Variants in PIP5K1C observed in about 807,000 individuals in gnomAD.
The protein encoded by PIP5K1C is phosphatidylinositol-4-phosphate 5-kinase type 1 gamma, also known as phosphatidylinositol 4-phosphate 5-kinase type-1 gamma.
PIP5K1C carries 45 observed loss-of-function variants against 80.1 expected under a neutral mutation model. That is an observed-to-expected ratio of 0.56 (90% CI 0.44 to 0.72). The LOEUF (loss-of-function observed/expected upper bound fraction) is 0.72. Among genes scored for constraint, PIP5K1C ranks in the 30% least tolerant of loss-of-function variants. The pLI is 0.00. For synonymous variants in PIP5K1C, 498 were observed against 420.1 expected (o/e 1.19, Z -2.27); for missense variants, 753 against 954.6 (o/e 0.79, Z 2.78).
chr19:3,634,191 C>T (rs1333094214), intron 16 of PIP5K1C, among the ~76,000 whole-genome samples: 2 of 152,094 alleles, frequency 1.3e-5, no homozygotes, highest in Non-Finnish European at 2.9e-5. Context: ...GACAGCTCTT[C>T]CCAGCTGTGC....
intron 1 of PIP5K1C, among the ~76,000 whole-genome samples, chr19:3,678,440 A>G: frequency 1.0e-5 from 1 of 97,898 alleles, no homozygotes; most frequent in Non-Finnish European, 2.1e-5. Flanking sequence ...TGGAGGATGG[A>G]GAGATGGAGG....
intron 1 of PIP5K1C, among the ~76,000 whole-genome samples, chr19:3,683,723 C>T (rs961898413): frequency 5.9e-5 from 9 of 152,100 alleles, no homozygotes; most frequent in African/African-American, 9.7e-5. Context: ...AGGAGCCAGG[C>T]GGGGGAAGGG....
chr19:3,641,730 C>T lies in PIP5K1C; in HGVS notation c.1762G>A (p.Val588Met). ...CCTGCGTCCTCCTCTTTGGGGACCA[C>T]AATCTCCACGCTGCACGCAGGCTCC... Reference protein sequence around the residue: ...QVEPACSVEIVVPKEEDAGVE... With the variant: ...QVEPACSVEIMVPKEEDAGVE... The change falls in exon 15 of 18, where the codon GTG becomes ATG. Residue 588 changes from valine (V) to methionine (M), a missense_variant. Physicochemically the swap from Val to Met is conservative, Grantham distance 21. Coordinates refer to ENST00000335312, the MANE Select transcript of PIP5K1C (RefSeq NM_012398.3). 6.2e-7 allele frequency: 1 copy of T among 1,610,086 alleles called. No individual in the cohort carries two copies. The highest frequency in any genetic ancestry group is 2.2e-5 in the East Asian group (1 of 44,870).
rs905830973 is a variant in PIP5K1C, at chr19:3,692,256, G to C, written c.94+8041C>G. ...CCTGCCAACAGCACAATGGAACAGAGACACCGTCCACTGAGCACAGCCACC... is the reference window on the plus strand; with the variant it reads ...CCTGCCAACAGCACAATGGAACAGACACACCGTCCACTGAGCACAGCCACC... On this transcript the variant is annotated intron_variant, in intron 1 of 17. Transcript: ENST00000335312. The surrounding 1 kb of genome is among the most constrained non-coding windows in gnomAD (Gnocchi z 5.2). Among the ~76,000 whole-genome samples, 6 of 152,172 alleles carry C rather than the reference G, an allele frequency of 3.9e-5. No individual in the cohort carries two copies. Among genetic ancestry groups the C allele is most frequent in the African/African-American group, 1.4e-4 (6 of 41,430 alleles).
chr19:3,689,847 C>CA (rs2035888803), intron 1 of PIP5K1C, among the ~76,000 whole-genome samples: 1 of 152,094 alleles, frequency 6.6e-6, no homozygotes, highest in South Asian at 2.1e-4. Flanking sequence ...ACACTCCCCC[C>CA]CCACACACAG....
Position 3,692,569 on chromosome 19 carries a change from T to C in PIP5K1C, c.94+7728A>G, listed in dbSNP as rs1348971527. ...TCCATCCCAGATGGCGCACTGCTCA[T>C]GGTCCCCACCTGGCCCAGCCCCAGC... On this transcript the variant is annotated intron_variant, in intron 1 of 17. Coordinates refer to ENST00000335312, the MANE Select transcript of PIP5K1C (RefSeq NM_012398.3). This position sits in a 1 kb window ranked among gnomAD's most constrained non-coding sequence, Gnocchi z 5.2. Among the ~76,000 whole-genome samples, 2 of 152,230 alleles carry C rather than the reference T, an allele frequency of 1.3e-5. No homozygotes were observed. Among genetic ancestry groups the C allele is most frequent in the Non-Finnish European group, 1.5e-5 (1 of 67,984 alleles).
intron 1 of PIP5K1C, among the ~76,000 whole-genome samples, chr19:3,672,876 C>T (rs1441622012): frequency 6.6e-6 from 1 of 151,626 alleles, no homozygotes; most frequent in Admixed American, 6.6e-5. Flanking sequence ...GAGGAGAAAG[C>T]CCCAGCCCTG....
intron 11 of PIP5K1C, among the ~76,000 whole-genome samples, chr19:3,644,601 C>T (rs545804150): frequency 1.7e-4 from 26 of 152,334 alleles, no homozygotes; most frequent in Admixed American, 5.2e-4. Context: ...CCAGCCCGGG[C>T]AGGGCCCCCA....
intron 16 of PIP5K1C, among the ~76,000 whole-genome samples, chr19:3,633,973 T>C (rs2033567690): frequency 6.6e-6 from 1 of 152,136 alleles, no homozygotes; most frequent in Non-Finnish European, 1.5e-5. Context: ...GTGCCGGACC[T>C]ACTTCCCAAC....
At position 3,645,977 on chromosome 19, in the gene PIP5K1C, A is replaced by G. The variant is rs1488297846; in HGVS notation, c.1342T>C (p.Ser448Pro). Residue 448 changes from serine to proline, a missense_variant, in exon 11 of 18, where the codon TCC (serine) becomes CCC (proline). By Grantham distance (74) the Ser-to-Pro change is moderately conservative. Transcript: ENST00000335312. Reference protein sequence around the residue: ...FMSNTVFRKNSSLKSSPSKKG... With the variant: ...FMSNTVFRKNPSLKSSPSKKG... Reference sequence around the variant, plus strand: ...TTGCGGGGCTCAGGTGGCTTACAGGAGTTCTTCCGAAAGACCGTGTTGCTC... The same window carrying G: ...TTGCGGGGCTCAGGTGGCTTACAGGGGTTCTTCCGAAAGACCGTGTTGCTC... 6.2e-7 allele frequency: 1 copy of G among 1,612,380 alleles called. No individual in the cohort carries two copies. Among genetic ancestry groups the G allele is most frequent in the Non-Finnish European group, 8.5e-7 (1 of 1,179,182 alleles).
chr19:3,656,659 G>A lies in PIP5K1C; in HGVS notation c.469-102C>T, dbSNP rs1050299990. 6.1e-6 allele frequency: 8 copies of A among 1,306,504 alleles called. No homozygotes were observed. The African/African-American group carries it at 1.0e-4, about 17-fold the overall frequency. The allele number at this position is 1,306,504 out of a possible 1,614,324, so 80.9% of individuals were successfully genotyped here. ...CAGCCCCAGGAACTGATGACGGGTC[G>A]CTGCATTTTACAGATGCGGAAAGAG... On this transcript the variant is annotated intron_variant, in intron 5 of 17. Transcript: ENST00000335312.
rs778920527 is a variant in PIP5K1C, at chr19:3,653,272, C to A, written c.921+18G>T. 2 of 1,600,972 alleles carry A rather than the reference C, an allele frequency of 1.2e-6. No homozygotes were observed. Among genetic ancestry groups the A allele is most frequent in the East Asian group, 2.2e-5 (1 of 44,842 alleles). On this transcript the variant is annotated intron_variant, in intron 7 of 17. Transcript: ENST00000335312. The stretch of plus-strand genomic sequence containing the variant: ...CCCACCTGCCACCCTCCCTCCCCGG[C>A]CGGGGCCGAGCCCTCACCAGGCAGT...
chr19:3,673,227 C>G (rs1417959199), intron 1 of PIP5K1C, among the ~76,000 whole-genome samples: 1 of 152,156 alleles, frequency 6.6e-6, no homozygotes, highest in Non-Finnish European at 1.5e-5. Context: ...CGAGCGGTGC[C>G]TCTGCCTGGC....
At chr19:3,677,645 G>T (rs1031826368) in intron 1 of PIP5K1C, among the ~76,000 whole-genome samples, 1 of 149,300 alleles carries the variant, frequency 6.7e-6, no homozygotes, top group Non-Finnish European at 1.5e-5. Context: ...TGACAGGTGG[G>T]GGTGCTGAGG....
chr19:3,639,483 G>A (rs968709391), intron 15 of PIP5K1C, among the ~76,000 whole-genome samples: 4 of 152,142 alleles, frequency 2.6e-5, no homozygotes, highest in East Asian at 1.9e-4. Flanking sequence ...CCAGGCTGGC[G>A]TGCAGTGCTG....
intron 12 of PIP5K1C, among the ~76,000 whole-genome samples, chr19:3,643,677 A>G (rs901049168): frequency 1.9e-5 from 1 of 52,040 alleles, no homozygotes. Context: ...TCCCCTCCCC[A>G]CCCCCCCTCC....
At chr19:3,682,935 C>A (rs1250238870) in intron 1 of PIP5K1C, among the ~76,000 whole-genome samples, 1 of 147,510 alleles carries the variant, frequency 6.8e-6, no homozygotes, top group Non-Finnish European at 1.5e-5. Flanking sequence ...AACACCTCCC[C>A]TCCTCCCCCT....
intron 16 of PIP5K1C, among the ~76,000 whole-genome samples, chr19:3,634,238 G>T (rs889663113): frequency 2.0e-5 from 3 of 151,666 alleles, no homozygotes; most frequent in African/African-American, 7.2e-5. Context: ...GGGATCTGGG[G>T]AGGGAGGGAG....
intron 1 of PIP5K1C, among the ~76,000 whole-genome samples, chr19:3,697,503 A>AGGGAGGACCAAGCTGGACCC (rs1568367109): frequency 4.1e-5 from 6 of 146,476 alleles, no homozygotes; most frequent in South Asian, 2.2e-4. Context: ...GAGCTGGACC[A>AGGGAGGACCAAGCTGGACCC]GGGAGGACCA....
Sources: gnomAD v4.1 joint callset for allele counts (sites outside exome capture counted in the v4.1 genomes callset) on GRCh38, gnomAD v4.1.1 for gene constraint, Gnocchi (gnomAD v3.1) non-coding constraint, MANE v1.5 for transcripts, NCBI Gene and HGNC (gene_info 2026-07-23, HGNC 2026-07-21) for gene names.